The following SDCCAG8 variants were observed in gnomAD, a reference collection of about 807,000 sequenced individuals.
SDCCAG8 encodes the protein serologically defined colon cancer antigen 8.
SDCCAG8 carries 74 observed loss-of-function variants against 101.8 expected under a neutral mutation model. The ratio of observed to expected loss-of-function variants is 0.73; its 90% CI spans 0.60 to 0.88. The LOEUF (loss-of-function observed/expected upper bound fraction) is 0.88. Ranked by LOEUF, SDCCAG8 falls within the 40% of genes least tolerant of loss-of-function variation. SDCCAG8 has a pLI of 0.00. For missense variants in SDCCAG8, 787 were observed against 822.6 expected (o/e 0.96, Z 0.53); for synonymous variants, 281 against 292.9 (o/e 0.96, Z 0.41).
At chr1:243,410,718 A>G (rs528703217) in intron 13 of SDCCAG8, among the ~76,000 whole-genome samples, 1 of 152,338 alleles carries the variant, frequency 6.6e-6, no homozygotes, top group Non-Finnish European at 1.5e-5. Flanking sequence ...AATCTGCTTA[A>G]CAAATCATTT....
intron 16 of SDCCAG8, among the ~76,000 whole-genome samples, chr1:243,449,091 G>A (rs2083159275): frequency 6.6e-6 from 1 of 152,164 alleles, no homozygotes; most frequent in Admixed American, 6.5e-5. Flanking sequence ...CACATCCAGT[G>A]GACACTCAGT....
intron 13 of SDCCAG8, among the ~76,000 whole-genome samples, chr1:243,382,769 G>C (rs1261027117): frequency 2.0e-5 from 3 of 152,228 alleles, no homozygotes; most frequent in Non-Finnish European, 2.9e-5. Context: ...CATAGTCCAG[G>C]GGGAGAGTAA....
chr1:243,416,748 A>C lies in SDCCAG8; in HGVS notation c.1744+919A>C, dbSNP rs576111058. On this transcript the variant is annotated intron_variant, in intron 14 of 17. Coordinates refer to ENST00000366541, the MANE Select transcript of SDCCAG8 (RefSeq NM_006642.5). This position sits in a 1 kb window ranked among gnomAD's most constrained non-coding sequence, Gnocchi z 4.3. ...TTCACAGACAGTGTTAGTCAAAACA[A>C]GACAGTGTCAGTCATTATAATTCCA... 6.8e-4 allele frequency among the ~76,000 whole-genome samples: 103 copies of C among 152,352 alleles called. No individual in the cohort carries two copies. Among genetic ancestry groups the C allele is most frequent in the African/African-American group, 2.4e-3 (101 of 41,588 alleles).
chr1:243,341,877 T>C (rs2075399946), intron 11 of SDCCAG8, among the ~76,000 whole-genome samples: 1 of 152,224 alleles, frequency 6.6e-6, no homozygotes, highest in South Asian at 2.1e-4. Context: ...AAAATCAATT[T>C]ATTTTTTACC....
chr1:243,256,236 C>G lies in SDCCAG8; in HGVS notation c.63C>G (p.Leu21=). The part of the protein sequence containing the change: ...EEILGQYQRS[L]REHASRSIHQ... ...TTCTGGGGCAGTATCAACGGAGTCT[C>G]CGGGGTGAGTTGCTCCAAACCTCTG... Residue 21 remains leucine (L), a synonymous_variant, in exon 1 of 18, where the codon CTC becomes CTG. Transcript: ENST00000366541. 2 of 1,614,118 alleles carry G rather than the reference C, an allele frequency of 1.2e-6. No individual in the cohort carries two copies. Among genetic ancestry groups the G allele is most frequent in the Non-Finnish European group, 1.7e-6 (2 of 1,179,942 alleles).
chr1:243,256,382 A>G lies in SDCCAG8; in HGVS notation c.67+142A>G, dbSNP rs1425400942. The G allele has an allele frequency of 4.2e-6, 3 of 710,326 alleles. No individual in the cohort carries two copies. In the East Asian group the frequency reaches 8.0e-5, roughly 19 times the overall value. 44.0% of individuals were successfully genotyped at this position (710,326 alleles called of 1,614,324 possible). A position where few individuals can be genotyped will look rare whatever the true frequency, so the allele number is the denominator to read the frequency against. On this transcript the variant is annotated intron_variant, in intron 1 of 17. Transcript: ENST00000366541. ...CAAGATGGATGTTGCTGTGGTCTTGAGGAGGATGAAATAGTTTGATTTAGT... is the reference window on the plus strand; with the variant it reads ...CAAGATGGATGTTGCTGTGGTCTTGGGGAGGATGAAATAGTTTGATTTAGT...
intron 16 of SDCCAG8, among the ~76,000 whole-genome samples, chr1:243,454,465 G>A (rs926093623): frequency 2.0e-5 from 3 of 152,006 alleles, no homozygotes; most frequent in Non-Finnish European, 2.9e-5. Context: ...GCATCCACTC[G>A]GAATGCACTT....
At chr1:243,439,752 C>G (rs555796197) in intron 16 of SDCCAG8, among the ~76,000 whole-genome samples, 162 of 152,022 alleles carry the variant, frequency 1.1e-3, no homozygotes, top group African/African-American at 3.7e-3. Context: ...ATATAACTTA[C>G]CCAACATCAC....
At chr1:243,463,960 G>A (rs1048939293) in intron 16 of SDCCAG8, among the ~76,000 whole-genome samples, 1 of 152,166 alleles carries the variant, frequency 6.6e-6, no homozygotes, top group African/African-American at 2.4e-5. Context: ...GGTGCCATTG[G>A]CTAGAGAGAC....
chr1:243,393,849 T>C (rs1371800090), intron 13 of SDCCAG8, among the ~76,000 whole-genome samples: 1 of 152,224 alleles, frequency 6.6e-6, no homozygotes, highest in Non-Finnish European at 1.5e-5. Flanking sequence ...TTCTACTTAA[T>C]AATTTTTCAT....
At chr1:243,426,105 G>A (rs2081320834) in intron 15 of SDCCAG8, among the ~76,000 whole-genome samples, 1 of 152,154 alleles carries the variant, frequency 6.6e-6, no homozygotes, top group South Asian at 2.1e-4. Flanking sequence ...ATAGTGTTTG[G>A]CCTATAACAA....
intron 6 of SDCCAG8, among the ~76,000 whole-genome samples, chr1:243,298,115 C>A (rs1353576746): frequency 6.7e-6 from 1 of 148,900 alleles, no homozygotes; most frequent in Non-Finnish European, 1.5e-5. Flanking sequence ...GTGGTGCGAT[C>A]TCAGCTCACT....
chr1:243,365,072 G>T (rs567288223), intron 12 of SDCCAG8, among the ~76,000 whole-genome samples: 8 of 152,270 alleles, frequency 5.3e-5, no homozygotes, highest in Admixed American at 5.2e-4. Context: ...TAGCGTTGTG[G>T]CTTGGCATTA....
At chr1:243,344,752 T>C (rs1389636115) in intron 12 of SDCCAG8, among the ~76,000 whole-genome samples, 1 of 152,204 alleles carries the variant, frequency 6.6e-6, no homozygotes, top group Non-Finnish European at 1.5e-5. Context: ...ATCAAATTGA[T>C]TGTTGGCAGA....
chr1:243,400,276 A>G lies in SDCCAG8; in HGVS notation c.1617-15426A>G, dbSNP rs78513580. Reference sequence around the variant, plus strand: ...TATGACTTATGGAAGCTTTTCTATCAAATCTCCACACATCTTCCAGGAATC... The same window carrying G: ...TATGACTTATGGAAGCTTTTCTATCGAATCTCCACACATCTTCCAGGAATC... On this transcript the variant is annotated intron_variant, in intron 13 of 17. Coordinates refer to ENST00000366541, the MANE Select transcript of SDCCAG8 (RefSeq NM_006642.5). 4.6e-3 allele frequency among the ~76,000 whole-genome samples: 703 copies of G among 152,336 alleles called. 10 individuals are homozygous for G. Among genetic ancestry groups the G allele is most frequent in the African/African-American group, 0.016 (654 of 41,568 alleles).
chr1:243,319,642 G>C (rs1231965212), intron 9 of SDCCAG8, among the ~76,000 whole-genome samples: 1 of 152,094 alleles, frequency 6.6e-6, no homozygotes, highest in African/African-American at 2.4e-5. Flanking sequence ...CAAAGTGCTG[G>C]GATTACAGGC....
At chr1:243,268,323 C>G (rs2067799934) in intron 1 of SDCCAG8, among the ~76,000 whole-genome samples, 1 of 152,204 alleles carries the variant, frequency 6.6e-6, no homozygotes, top group African/African-American at 2.4e-5. Flanking sequence ...TTTCCTTTTC[C>G]ATGACCAAAT....
intron 15 of SDCCAG8, among the ~76,000 whole-genome samples, chr1:243,423,178 G>A (rs2081123837): frequency 6.6e-6 from 1 of 152,054 alleles, no homozygotes; most frequent in Admixed American, 6.5e-5. Context: ...AAAGATTGTT[G>A]CAATACACAC....
At chr1:243,406,270 G>A (rs564360923) in intron 13 of SDCCAG8, among the ~76,000 whole-genome samples, 7 of 152,160 alleles carry the variant, frequency 4.6e-5, no homozygotes, top group South Asian at 2.1e-4. Context: ...GATGAATTGG[G>A]CTCAGGGTGT....
Sources: gnomAD v4.1 joint callset for allele counts (sites outside exome capture counted in the v4.1 genomes callset) on GRCh38, gnomAD v4.1.1 for gene constraint, Gnocchi (gnomAD v3.1) non-coding constraint, MANE v1.5 for transcripts, NCBI Gene and HGNC (gene_info 2026-07-23, HGNC 2026-07-21) for gene names.